FAM13B: variants seen among roughly 807,000 people sequenced by gnomAD.
FAM13B encodes the protein family with sequence similarity 13 member B.
In FAM13B, 60 loss-of-function variants were observed where a neutral mutation model predicts 117.3. The observed-to-expected ratio is 0.51, with a 90% CI of 0.42 to 0.63. The LOEUF (loss-of-function observed/expected upper bound fraction) is 0.63. FAM13B is among the 30% of genes least tolerant of loss of function. FAM13B has a pLI of 0.00. For synonymous variants in FAM13B, 332 were observed against 356.1 expected, an observed-to-expected ratio of 0.93 and a Z score of 0.76; for missense variants, 972 against 1,091.9, an observed-to-expected ratio of 0.89 and a Z score of 1.55.
chr5:138,032,731 C>T (rs1581316787), intron 1 of FAM13B, 51 bp downstream of exon 1: 1 of 985,748 alleles, frequency 1.0e-6, no homozygotes, highest in Non-Finnish European at 1.2e-6. Context: ...AGGGCCGCGG[C>T]GACCTGCAAC....
intron 6 of FAM13B, among the ~76,000 whole-genome samples, chr5:138,009,190 A>G (rs1358050605): frequency 1.3e-5 from 2 of 152,192 alleles, no homozygotes; most frequent in East Asian, 3.8e-4. Flanking sequence ...CATTAAGTTC[A>G]CATGTAAAGT....
chr5:137,941,646 T>C (rs1347067295), intron 23 of FAM13B, among the ~76,000 whole-genome samples: 1 of 152,162 alleles, frequency 6.6e-6, no homozygotes, highest in East Asian at 1.9e-4. Context: ...GATATCTCAT[T>C]TCACAACCAC....
chr5:138,018,160 T>A (rs1325398521), intron 4 of FAM13B, 142 bp downstream of exon 4: 4 of 744,546 alleles, frequency 5.4e-6, no homozygotes, highest in Non-Finnish European at 8.6e-6. Flanking sequence ...GACAAGATCA[T>A]ACAACCCCAA....
chr5:137,955,645 T>A (rs778389295), intron 14 of FAM13B, among the ~76,000 whole-genome samples: 37 of 152,062 alleles, frequency 2.4e-4, no homozygotes, highest in Non-Finnish European at 3.5e-4. Context: ...TTATTTATTT[T>A]TTTAGAGATG....
At chr5:138,015,221 C>T (rs1401467157) in intron 4 of FAM13B, among the ~76,000 whole-genome samples, 2 of 152,160 alleles carry the variant, frequency 1.3e-5, no homozygotes, top group Non-Finnish European at 2.9e-5. Flanking sequence ...ATCAACAGTA[C>T]CAAGGCTGTG....
Position 137,946,254 on chromosome 5 carries a change from A to G in FAM13B, c.2218T>C (p.Tyr740His), listed in dbSNP as rs1763398139. The change falls in exon 19 of 24, where the codon TAC becomes CAC. Residue 740 changes from tyrosine (Y) to histidine (H), a missense_variant. Physicochemically the swap from Tyr to His is moderately conservative, Grantham distance 83. Coordinates refer to ENST00000689681, the MANE Select transcript of FAM13B (RefSeq NM_001385994.1). ...EKASLQKSLL[Y>H]YESQHGRPVT... is the part of the protein sequence containing the mutation. Reference sequence around the variant, plus strand: ...GGCCTTCCATGTTGACTTTCATAGTAAAGAAGACTTTTCTGAAGAGAAGCT... The same window carrying G: ...GGCCTTCCATGTTGACTTTCATAGTGAAGAAGACTTTTCTGAAGAGAAGCT... The G allele has an allele frequency of 6.3e-7, 1 of 1,593,050 alleles. No homozygotes were observed. Among genetic ancestry groups the G allele is most frequent in the Non-Finnish European group, 8.5e-7 (1 of 1,174,452 alleles).
intron 1 of FAM13B, among the ~76,000 whole-genome samples, chr5:138,041,538 A>T (rs1400211936): frequency 6.6e-6 from 1 of 152,236 alleles, no homozygotes; most frequent in Non-Finnish European, 1.5e-5. Context: ...TAATTTTAAA[A>T]ATGGATAAAA....
chr5:137,954,162 A>G lies in FAM13B; in HGVS notation c.1718+4T>C, dbSNP rs541101477. ...CCTCTTGTAAGTACATAAAAATCAT[A>G]TACCTAGTAAAAGACAGTGCTTTAG... On this transcript the variant is annotated splice_donor_region_variant and intron_variant, in intron 15 of 23. Transcript: ENST00000689681. 1 of 1,610,932 alleles carries G rather than the reference A, an allele frequency of 6.2e-7. No homozygotes were observed. Among genetic ancestry groups the G allele is most frequent in the African/African-American group, 1.3e-5 (1 of 74,782 alleles).
At chr5:137,963,725 A>C (rs1768841687) in intron 10 of FAM13B, among the ~76,000 whole-genome samples, 1 of 152,150 alleles carries the variant, frequency 6.6e-6, no homozygotes, top group Non-Finnish European at 1.5e-5. Flanking sequence ...GGGAGTGGGG[A>C]GTGAGCACTA....
At chr5:137,943,314 T>C in intron 20 of FAM13B, 98 bp from the exon 21 acceptor site, 2 of 945,382 alleles carry the variant, frequency 2.1e-6, no homozygotes, top group Non-Finnish European at 3.2e-6. Flanking sequence ...AACTTTATTT[T>C]CAAAATCTTA....
chr5:137,981,402 A>C (rs1042567043), intron 10 of FAM13B, among the ~76,000 whole-genome samples: 2 of 152,126 alleles, frequency 1.3e-5, no homozygotes, highest in Non-Finnish European at 2.9e-5. Flanking sequence ...GAGTATGATC[A>C]TACCACTGCA....
At chr5:137,958,879 A>C (rs1304439248) in intron 13 of FAM13B, among the ~76,000 whole-genome samples, 1 of 152,148 alleles carries the variant, frequency 6.6e-6, no homozygotes, top group Non-Finnish European at 1.5e-5. Flanking sequence ...TATTTTTTTC[A>C]TGGATTTCAG....
intron 17 of FAM13B, among the ~76,000 whole-genome samples, chr5:137,950,927 C>A (rs1764770920): frequency 6.6e-6 from 1 of 152,162 alleles, no homozygotes; most frequent in South Asian, 2.1e-4. Flanking sequence ...ATTATCTTGG[C>A]CGGGTGAGGT....
At chr5:138,011,205 G>A (rs1292131249) in intron 5 of FAM13B, 56 bp from the exon 6 acceptor site, 9 of 1,505,970 alleles carry the variant, frequency 6.0e-6, no homozygotes, top group African/African-American at 4.3e-5. Flanking sequence ...ACAGGTAAAG[G>A]TAGAAGACAA....
intron 1 of FAM13B, among the ~76,000 whole-genome samples, chr5:138,031,304 C>T (rs1789932933): frequency 6.6e-6 from 1 of 152,170 alleles, no homozygotes; most frequent in Non-Finnish European, 1.5e-5. Flanking sequence ...TTTCCAAGAA[C>T]TTAAGCTGTG....
intron 10 of FAM13B, among the ~76,000 whole-genome samples, chr5:137,976,684 A>G (rs1007114159): frequency 1.3e-5 from 2 of 152,178 alleles, no homozygotes; most frequent in Admixed American, 1.3e-4. Context: ...CTTTACTGCT[A>G]TCTTTGAACA....
chr5:138,050,943 AC>A (rs1280756707), intron 1 of FAM13B, among the ~76,000 whole-genome samples: 1 of 152,162 alleles, frequency 6.6e-6, no homozygotes, highest in Non-Finnish European at 1.5e-5. Flanking sequence ...GATTTTTGGC[AC>A]CAAAAATTAT....
intron 4 of FAM13B, among the ~76,000 whole-genome samples, chr5:138,015,470 A>C (rs113331339): frequency 0.15 from 22,229 of 152,256 alleles, 1,796 homozygotes; most frequent in Non-Finnish European, 0.18. Context: ...TGGGAGGCCA[A>C]GGTGGGCAGA....
rs1581083330 is a variant in FAM13B at position 137,955,969 on chromosome 5, C to T, written c.1507+508G>A. On this transcript the variant is annotated intron_variant, in intron 14 of 23. Coordinates refer to ENST00000689681, the MANE Select transcript of FAM13B (RefSeq NM_001385994.1). Reference sequence around the variant, plus strand: ...GTAACTACACTTAAAAATTTTGATGCTATTGGCTATTAGCAATAGCGAAAA... The same window carrying T: ...GTAACTACACTTAAAAATTTTGATGTTATTGGCTATTAGCAATAGCGAAAA... 2.6e-5 allele frequency among the ~76,000 whole-genome samples: 4 copies of T among 152,168 alleles called. No homozygotes were observed. The East Asian group carries it at 7.7e-4, about 29-fold the overall frequency.
Sources: gnomAD v4.1 joint callset for allele counts (sites outside exome capture counted in the v4.1 genomes callset) on GRCh38, gnomAD v4.1.1 for gene constraint, MANE v1.5 for transcripts, NCBI Gene and HGNC (gene_info 2026-07-23, HGNC 2026-07-21) for gene names.